TADA2B: variants seen among roughly 807,000 people sequenced by gnomAD.
TADA2B encodes transcriptional adapter 2-beta.
In TADA2B, 13 loss-of-function variants were observed where a neutral mutation model predicts 34.5. The ratio of observed to expected loss-of-function variants is 0.38; its 90% CI spans 0.25 to 0.60. TADA2B has a LOEUF of 0.60. Ranked by LOEUF, TADA2B falls within the 20% of genes least tolerant of loss-of-function variation. TADA2B has a pLI of 0.65. For missense variants in TADA2B, 442 were observed against 575.0 expected, an observed-to-expected ratio of 0.77 and a Z score of 2.37; for synonymous variants, 240 against 243.4, an observed-to-expected ratio of 0.99 and a Z score of 0.13.
Position 7,055,111 on chromosome 4 carries a change from C to G in TADA2B, c.*57C>G, listed in dbSNP as rs1577218115. Reference sequence around the variant, plus strand: ...TCAGACAGTGTGCCAGCCAAAATGACTTGGGGGAGGGGAGCCGCTTCCCCA... The same window carrying G: ...TCAGACAGTGTGCCAGCCAAAATGAGTTGGGGGAGGGGAGCCGCTTCCCCA... On this transcript the variant is annotated 3_prime_UTR_variant, in exon 2 of 2. Transcript: ENST00000310074. 8 of 1,510,930 alleles carry G rather than the reference C, an allele frequency of 5.3e-6. No individual in the cohort carries two copies. The highest frequency in any genetic ancestry group is 7.1e-6 in the Non-Finnish European group (8 of 1,129,540). 93.6% of individuals were successfully genotyped at this position (1,510,930 alleles called of 1,614,324 possible).
intron 1 of TADA2B, among the ~76,000 whole-genome samples, chr4:7,049,153 A>C (rs1295808288): frequency 2.6e-5 from 4 of 152,028 alleles, no homozygotes; most frequent in Non-Finnish European, 1.5e-5. Context: ...ATCATGGCTC[A>C]CTGCAGCCTC....
At chr4:7,043,946 T>G in intron 1 of TADA2B, 97 bp downstream of exon 1, 1 of 1,340,150 alleles carries the variant, frequency 7.5e-7, no homozygotes. Context: ...ACCTGCTCGC[T>G]CGCTCCGCAC....
At chr4:7,049,748 C>G (rs1553879037) in intron 1 of TADA2B, among the ~76,000 whole-genome samples, 3 of 152,234 alleles carry the variant, frequency 2.0e-5, no homozygotes, top group Non-Finnish European at 4.4e-5. Context: ...CTCAAGTTGT[C>G]TCTTTAAAGG....
intron 1 of TADA2B, among the ~76,000 whole-genome samples, chr4:7,048,221 T>C (rs1723680058): frequency 6.6e-6 from 1 of 152,030 alleles, no homozygotes; most frequent in South Asian, 2.1e-4. Context: ...GGACTTACCT[T>C]CCCCGCCGGG....
At chr4:7,051,473 G>T (rs1723768761) in intron 1 of TADA2B, among the ~76,000 whole-genome samples, 1 of 152,204 alleles carries the variant, frequency 6.6e-6, no homozygotes, top group Non-Finnish European at 1.5e-5. Context: ...ACCCCACGAG[G>T]CACACTAAGG....
At chr4:7,048,746 C>G (rs941336221) in intron 1 of TADA2B, among the ~76,000 whole-genome samples, 21 of 152,176 alleles carry the variant, frequency 1.4e-4, no homozygotes, top group African/African-American at 4.8e-4. Context: ...TCCCCCTCCC[C>G]CTTCCCCAGT....
At chr4:7,044,597 C>T (rs1445798029) in intron 1 of TADA2B, among the ~76,000 whole-genome samples, 1 of 152,172 alleles carries the variant, frequency 6.6e-6, no homozygotes, top group Non-Finnish European at 1.5e-5. Flanking sequence ...GAACATGGTT[C>T]TCTCTGGGCG....
rs1723838511 is a variant in TADA2B, at chr4:7,054,335, GAGACGCTCATC to G, written c.547_557del (p.Thr183ArgfsTer7). 1 of 1,613,318 alleles carries G rather than the reference GAGACGCTCATC, an allele frequency of 6.2e-7. No homozygotes were observed. The highest frequency in any genetic ancestry group is 8.5e-7 in the Non-Finnish European group (1 of 1,179,912). On this transcript the variant is annotated frameshift_variant, in exon 2 of 2. Coordinates refer to ENST00000310074, the MANE Select transcript of TADA2B (RefSeq NM_152293.3). LOFTEE classifies it high-confidence loss of function. The stretch of plus-strand genomic sequence containing the variant: ...CGAGATCGAGTATGACCAGGATGCC[GAGACGCTCATC>G]AGCGGGCTCTCTGTCAACTATGATG...
chr4:7,047,715 AG>A (rs1490619290), intron 1 of TADA2B, among the ~76,000 whole-genome samples: 1 of 152,194 alleles, frequency 6.6e-6, no homozygotes, highest in Non-Finnish European at 1.5e-5. Flanking sequence ...GTGCAGGTAG[AG>A]GAGAGTGTGG....
Position 7,055,663 on chromosome 4 carries a change from A to T in TADA2B, c.*609A>T, listed in dbSNP as rs1247398600. 1 of 152,344 alleles carries T rather than the reference A, an allele frequency of 6.6e-6. No homozygotes were observed. Among genetic ancestry groups the T allele is most frequent in the Non-Finnish European group, 1.5e-5 (1 of 68,114 alleles). The allele number at this position is 152,344 out of a possible 1,614,324, so 9.4% of individuals were successfully genotyped here. On this transcript the variant is annotated 3_prime_UTR_variant, in exon 2 of 2. Coordinates refer to ENST00000310074, the MANE Select transcript of TADA2B (RefSeq NM_152293.3). ...GAAGAGGAATCTGTTGAACACAGCG[A>T]CCAGATGACCTTCCATTTCACCGGC...
chr4:7,051,561 TA>T (rs1434634283), intron 1 of TADA2B, among the ~76,000 whole-genome samples: 11 of 151,924 alleles, frequency 7.2e-5, no homozygotes, highest in African/African-American at 2.7e-4. Context: ...CTAGTGTTGC[TA>T]ACTTGAAAAT....
Position 7,055,213 on chromosome 4 carries a change from A to G in TADA2B, c.*159A>G. The stretch of plus-strand genomic sequence containing the variant: ...TTTTCATGGTCCTCTGAAAGAAGCA[A>G]TAGTAACAATCTTATATTGGATCAT... On this transcript the variant is annotated 3_prime_UTR_variant, in exon 2 of 2. Coordinates refer to ENST00000310074, the MANE Select transcript of TADA2B (RefSeq NM_152293.3). 2 of 748,292 alleles carry G rather than the reference A, an allele frequency of 2.7e-6. No homozygotes were observed. The highest frequency in any genetic ancestry group is 2.0e-5 in the South Asian group (1 of 50,108). 46.4% of individuals were successfully genotyped at this position (748,292 alleles called of 1,614,324 possible). A position where few individuals can be genotyped will look rare whatever the true frequency, so the allele number is the denominator to read the frequency against.
intron 1 of TADA2B, chr4:7,053,424 G>C (rs1347065780): frequency 6.6e-6 from 1 of 152,394 alleles, no homozygotes; most frequent in African/African-American, 2.4e-5. Flanking sequence ...TGCAGTCACT[G>C]CCTAGGAAAG....
rs1723890559 is a variant in TADA2B at position 7,056,269 on chromosome 4, C to G, written c.*1215C>G. 6.6e-6 allele frequency: 1 copy of G among 152,664 alleles called. No homozygotes were observed. Among genetic ancestry groups the G allele is most frequent in the Non-Finnish European group, 1.5e-5 (1 of 68,070 alleles). The allele number at this position is 152,664 out of a possible 1,614,324, so 9.5% of individuals were successfully genotyped here. On this transcript the variant is annotated 3_prime_UTR_variant, in exon 2 of 2. Transcript: ENST00000310074. ...CCCAGCCCTGCCTACAAGTTTTTCT[C>G]TGGGGTCCTCTTTCAAGGATGTCCA...
chr4:7,054,341 C>A lies in TADA2B; in HGVS notation c.550C>A (p.Leu184Ile). 6.2e-7 allele frequency: 1 copy of A among 1,613,482 alleles called. No individual in the cohort carries two copies. Among genetic ancestry groups the A allele is most frequent in the Non-Finnish European group, 8.5e-7 (1 of 1,179,890 alleles). ...CGAGTATGACCAGGATGCCGAGACGCTCATCAGCGGGCTCTCTGTCAACTA... is the reference window on the plus strand; with the variant it reads ...CGAGTATGACCAGGATGCCGAGACGATCATCAGCGGGCTCTCTGTCAACTA... ...EIEYDQDAET[L>I]ISGLSVNYDD... The change falls in exon 2 of 2, where the codon CTC becomes ATC. Residue 184 changes from leucine to isoleucine, a missense_variant. Physicochemically the swap from Leu to Ile is conservative, Grantham distance 5. Transcript: ENST00000310074.
In TADA2B at chr4:7,054,981, T is replaced by A. The variant is rs751076539; in HGVS notation, c.1190T>A (p.Leu397Gln). ...IPSKSRLPSY[L>Q]DKVLKKRILN... ...TCCAAAAGCCGCCTTCCTAGCTACC[T>A]GGACAAAGTCCTAAAGAAAAGGATT... Residue 397 changes from leucine (L) to glutamine (Q), a missense_variant, in exon 2 of 2, where the codon CTG (leucine) becomes CAG (glutamine). By Grantham distance (113) the Leu-to-Gln change is moderately radical (BLOSUM62 -2). Around this residue, in one of 4 missense-constraint regions of TADA2B, gnomAD observed 114 missense variants for 144.7 expected, o/e 0.79. Transcript: ENST00000310074. The A allele has an allele frequency of 7.4e-6, 12 of 1,613,684 alleles. No homozygotes were observed. Among genetic ancestry groups the A allele is most frequent in the Non-Finnish European group, 1.0e-5 (12 of 1,179,882 alleles).
rs754836598 is a variant in TADA2B at position 7,043,861 on chromosome 4, G to C, written c.270+12G>C. The C allele has an allele frequency of 2.1e-6, 3 of 1,456,454 alleles. No homozygotes were observed. The highest frequency in any genetic ancestry group is 2.7e-5 in the South Asian group (2 of 72,984). The allele number at this position is 1,456,454 out of a possible 1,614,324, so 90.2% of individuals were successfully genotyped here. ...GCTTCGGAAACTGGGTGAGCGGCGC[G>C]ACGGGGGCCGGGTCCCGGCTAGGGC... is the stretch of plus-strand genomic sequence containing the variant. On this transcript the variant is annotated intron_variant, in intron 1 of 1. Coordinates refer to ENST00000310074, the MANE Select transcript of TADA2B (RefSeq NM_152293.3).
intron 1 of TADA2B, chr4:7,053,733 G>T (rs1255014586): frequency 7.4e-6 from 2 of 268,980 alleles, no homozygotes; most frequent in Non-Finnish European, 1.4e-5. Context: ...TCGCAGGTGG[G>T]GAATGAGAAC....
rs1422003177 is a variant in TADA2B, at chr4:7,054,334, C to T, written c.543C>T (p.Ala181=). The change falls in exon 2 of 2, where the codon GCC becomes GCT. Residue 181 remains alanine, a synonymous_variant. Coordinates refer to ENST00000310074, the MANE Select transcript of TADA2B (RefSeq NM_152293.3). ...ACGAGATCGAGTATGACCAGGATGC[C>T]GAGACGCTCATCAGCGGGCTCTCTG... ...DDYEIEYDQD[A]ETLISGLSVN... 5 of 1,613,440 alleles carry T rather than the reference C, an allele frequency of 3.1e-6. No individual in the cohort carries two copies. Among genetic ancestry groups the T allele is most frequent in the Non-Finnish European group, 4.2e-6 (5 of 1,179,894 alleles).
Sources: gnomAD v4.1 joint callset for allele counts (sites outside exome capture counted in the v4.1 genomes callset) on GRCh38, gnomAD v4.1.1 for gene constraint, gnomAD v4.1.1 regional missense constraint, MANE v1.5 for transcripts, NCBI Gene and HGNC (gene_info 2026-07-23, HGNC 2026-07-21) for gene names.